The following KCNAB1 variants were observed in gnomAD, a reference collection of about 807,000 sequenced individuals.
KCNAB1 encodes the protein potassium voltage-gated channel subfamily A regulatory beta subunit 1, also known as voltage-gated potassium channel subunit beta-1.
KCNAB1 carries 35 observed loss-of-function variants against 64.6 expected under a neutral mutation model. The observed-to-expected ratio is 0.54, with a 90% CI of 0.41 to 0.72. KCNAB1 has a LOEUF of 0.72. Ranked by LOEUF, KCNAB1 falls within the 30% of genes least tolerant of loss-of-function variation. The pLI is 0.00. For synonymous variants in KCNAB1, 177 were observed against 183.8 expected (o/e 0.96, Z 0.30); for missense variants, 401 against 512.9 (o/e 0.78, Z 2.11).
At chr3:156,179,011 A>AAG (rs1206517279) in intron 1 of KCNAB1, among the ~76,000 whole-genome samples, 3 of 47,390 alleles carry the variant, frequency 6.3e-5, no homozygotes, top group African/African-American at 1.3e-4. Flanking sequence ...AAAAAAAAAA[A>AAG]AAAAAAAAAA....
At chr3:156,409,714 C>G (rs762019569) in intron 1 of KCNAB1, among the ~76,000 whole-genome samples, 2 of 152,162 alleles carry the variant, frequency 1.3e-5, no homozygotes, top group Non-Finnish European at 2.9e-5. Context: ...CAATGCCTGG[C>G]GCTCTAGTTA....
intron 1 of KCNAB1, among the ~76,000 whole-genome samples, chr3:156,266,856 C>T (rs1426742790): frequency 6.6e-6 from 1 of 152,102 alleles, no homozygotes; most frequent in Non-Finnish European, 1.5e-5. Context: ...ACTGAGTCTG[C>T]CCAGTGAAAT....
chr3:156,334,571 A>T (rs1371938771), intron 1 of KCNAB1, among the ~76,000 whole-genome samples: 1 of 152,210 alleles, frequency 6.6e-6, no homozygotes, highest in Non-Finnish European at 1.5e-5. Flanking sequence ...ACACATCGTG[A>T]TTGTTATGAG....
intron 8 of KCNAB1, among the ~76,000 whole-genome samples, chr3:156,481,897 C>T (rs1194261410): frequency 6.6e-6 from 1 of 152,126 alleles, no homozygotes; most frequent in East Asian, 1.9e-4. Flanking sequence ...ACAGCTGGGG[C>T]AAACAAACGT....
intron 1 of KCNAB1, among the ~76,000 whole-genome samples, chr3:156,303,228 G>C (rs1207852246): frequency 1.3e-5 from 2 of 152,144 alleles, no homozygotes; most frequent in African/African-American, 4.8e-5. Context: ...ACTGGGCTTT[G>C]AAGGTTATAC....
intron 1 of KCNAB1, among the ~76,000 whole-genome samples, chr3:156,378,926 C>G (rs879579213): frequency 3.3e-5 from 5 of 152,180 alleles, no homozygotes; most frequent in Admixed American, 6.5e-5. Context: ...GTGCCTCAAG[C>G]TGGCATGGGA....
At chr3:156,258,357 T>G (rs747772536) in intron 1 of KCNAB1, among the ~76,000 whole-genome samples, 5 of 152,230 alleles carry the variant, frequency 3.3e-5, no homozygotes, top group African/African-American at 4.8e-5. Context: ...AGATCCTGCC[T>G]AACATAACTA....
At chr3:156,302,380 C>T (rs1721211185) in intron 1 of KCNAB1, among the ~76,000 whole-genome samples, 1 of 152,144 alleles carries the variant, frequency 6.6e-6, no homozygotes, top group Non-Finnish European at 1.5e-5. Context: ...AGTATACAGC[C>T]TGCCACCCAT....
intron 1 of KCNAB1, among the ~76,000 whole-genome samples, chr3:156,191,902 A>G (rs1289304427): frequency 6.6e-6 from 1 of 152,210 alleles, no homozygotes; most frequent in African/African-American, 2.4e-5. Context: ...GTGAAGGAAA[A>G]GGACTCTGAT....
intron 1 of KCNAB1, chr3:156,291,991 C>T (rs769974371): frequency 1.2e-6 from 2 of 1,614,138 alleles, no homozygotes; most frequent in Admixed American, 3.3e-5. Context: ...AGAGCTCCAC[C>T]GCCCCCAATG....
intron 1 of KCNAB1, among the ~76,000 whole-genome samples, chr3:156,319,867 A>C (rs771002877): frequency 3.3e-5 from 5 of 152,194 alleles, no homozygotes; most frequent in Non-Finnish European, 7.3e-5. Context: ...AAACTTAGAA[A>C]TATAGCTTAA....
chr3:156,168,687 G>A (rs970528091), intron 1 of KCNAB1, among the ~76,000 whole-genome samples: 2 of 152,108 alleles, frequency 1.3e-5, no homozygotes, highest in East Asian at 1.9e-4. Flanking sequence ...TAACATCAAC[G>A]TGCACATGAA....
chr3:156,229,659 G>A (rs1426397698), intron 1 of KCNAB1, among the ~76,000 whole-genome samples: 1 of 152,096 alleles, frequency 6.6e-6, no homozygotes, highest in African/African-American at 2.4e-5. Flanking sequence ...AGGGACTAGA[G>A]GTCTTAAATG....
At chr3:156,354,120 G>GTATATATATATATATATA (rs34730584) in intron 1 of KCNAB1, among the ~76,000 whole-genome samples, 64 of 132,554 alleles carry the variant, frequency 4.8e-4, no homozygotes, top group Non-Finnish European at 8.5e-4. Flanking sequence ...ATGTGTGTGT[G>GTATATATATATATATATA]TATATATATA....
intron 8 of KCNAB1, among the ~76,000 whole-genome samples, chr3:156,503,674 T>C (rs890555573): frequency 6.6e-6 from 1 of 152,100 alleles, no homozygotes; most frequent in Non-Finnish European, 1.5e-5. Context: ...AGGTGAAAGA[T>C]AAAGGTGGAG....
intron 1 of KCNAB1, among the ~76,000 whole-genome samples, chr3:156,310,187 C>T (rs1349471843): frequency 6.6e-6 from 1 of 152,174 alleles, no homozygotes; most frequent in Non-Finnish European, 1.5e-5. Flanking sequence ...ATTTCTCTCC[C>T]TGCCCCCAAG....
At chr3:156,283,795 G>T (rs1412663423) in intron 1 of KCNAB1, among the ~76,000 whole-genome samples, 6 of 152,080 alleles carry the variant, frequency 3.9e-5, no homozygotes, top group Non-Finnish European at 8.8e-5. Flanking sequence ...CGTAGTTCTG[G>T]AGCCTTGGTT....
chr3:156,402,323 C>G (rs1713963944), intron 1 of KCNAB1, among the ~76,000 whole-genome samples: 1 of 152,060 alleles, frequency 6.6e-6, no homozygotes, highest in Non-Finnish European at 1.5e-5. Context: ...ATGTATTTTT[C>G]TGTTCACTTA....
rs140141626 is a variant in KCNAB1 at position 156,354,504 on chromosome 3, G to A, written c.276-67112G>A. Among the ~76,000 whole-genome samples, 1,292 of 151,986 alleles carry A rather than the reference G, an allele frequency of 8.5e-3. 20 individuals carry two copies. Among genetic ancestry groups the A allele is most frequent in the African/African-American group, 0.03 (1,234 of 41,456 alleles). On this transcript the variant is annotated intron_variant, in intron 1 of 13. Transcript: ENST00000490337. ...ATTTAAGCCTCAAATCACCGGGCCC[G>A]AACACAGCAAATTAAAAACATCAAT...
Sources: allele counts gnomAD v4.1 joint callset (sites outside exome capture counted in the v4.1 genomes callset), GRCh38; gene constraint gnomAD v4.1.1; transcripts MANE v1.5; gene names NCBI Gene and HGNC (gene_info 2026-07-23, HGNC 2026-07-21).